The following BAZ1A variants were observed in gnomAD, a reference collection of about 807,000 sequenced individuals.
The protein encoded by BAZ1A is bromodomain adjacent to zinc finger domain protein 1A.
BAZ1A carries 50 observed loss-of-function variants against 185.2 expected under a neutral mutation model. That is an observed-to-expected ratio of 0.27 (90% confidence interval 0.22 to 0.34). The LOEUF is 0.34. Ranked by LOEUF, BAZ1A falls within the 10% of genes least tolerant of loss-of-function variation. The pLI is 1.00. For synonymous variants in BAZ1A, 571 were observed against 615.6 expected, an observed-to-expected ratio of 0.93 and a Z score of 1.07; for missense variants, 1,356 against 1,839.9, an observed-to-expected ratio of 0.74 and a Z score of 4.81.
At chr14:34,801,699 G>A (rs1313210377) in intron 7 of BAZ1A, among the ~76,000 whole-genome samples, 5 of 151,996 alleles carry the variant, frequency 3.3e-5, no homozygotes, top group East Asian at 1.9e-4. Context: ...ACTTGAGGTC[G>A]GGCGTTTGAG....
chr14:34,802,779 G>C, intron 7 of BAZ1A, 75 bp downstream of exon 7: 1 of 1,467,572 alleles, frequency 6.8e-7, no homozygotes. Context: ...TGTGAGGGGA[G>C]ACAAACATAC....
At chr14:34,784,038 T>A in intron 14 of BAZ1A, 111 bp from the exon 15 acceptor site, 1 of 973,088 alleles carries the variant, frequency 1.0e-6, no homozygotes, top group Non-Finnish European at 1.5e-6. Flanking sequence ...GAATATGGAG[T>A]AGTCTCTCAA....
chr14:34,765,905 A>C (rs2138558789), intron 21 of BAZ1A, among the ~76,000 whole-genome samples: 1 of 152,280 alleles, frequency 6.6e-6, no homozygotes, highest in South Asian at 2.1e-4. Flanking sequence ...TCAATCTTTA[A>C]TATTGTTACC....
intron 2 of BAZ1A, among the ~76,000 whole-genome samples, chr14:34,865,532 C>A (rs145419217): frequency 1.1e-3 from 167 of 152,236 alleles, no homozygotes; most frequent in African/African-American, 3.0e-3. Context: ...AAATTGGGGG[C>A]AATTCCATTT....
intron 6 of BAZ1A, among the ~76,000 whole-genome samples, chr14:34,803,578 T>A (rs1881692357): frequency 6.6e-6 from 1 of 152,070 alleles, no homozygotes; most frequent in African/African-American, 2.4e-5. Context: ...ATTTCAAAAT[T>A]ACATATATAT....
At chr14:34,772,451 A>G (rs950610359) in intron 20 of BAZ1A, among the ~76,000 whole-genome samples, 1 of 152,092 alleles carries the variant, frequency 6.6e-6, no homozygotes, top group South Asian at 2.1e-4. Flanking sequence ...ATAACCTTCT[A>G]TCAGTACCCC....
At chr14:34,815,801 A>T (rs762804682) in intron 4 of BAZ1A, among the ~76,000 whole-genome samples, 2 of 152,216 alleles carry the variant, frequency 1.3e-5, no homozygotes, top group Non-Finnish European at 2.9e-5. Flanking sequence ...AAGAGAAATC[A>T]TCAAATTGTG....
chr14:34,771,947 T>C (rs568756173), intron 20 of BAZ1A, among the ~76,000 whole-genome samples: 1 of 151,562 alleles, frequency 6.6e-6, no homozygotes, highest in African/African-American at 2.4e-5. Context: ...TCTATTTCTC[T>C]TGTTTTGCCC....
chr14:34,830,918 G>C (rs899786147), intron 3 of BAZ1A, among the ~76,000 whole-genome samples: 11 of 151,870 alleles, frequency 7.2e-5, no homozygotes, highest in African/African-American at 2.7e-4. Context: ...ACCACGCCCA[G>C]CTAATATTTT....
At chr14:34,811,135 CAT>C (rs2041924530) in intron 4 of BAZ1A, 99 bp from the exon 5 acceptor site, 2 of 869,440 alleles carry the variant, frequency 2.3e-6, no homozygotes. Context: ...AATAAAATCA[CAT>C]ATTTCAAAAT....
At chr14:34,856,859 C>CAA (rs577936229) in intron 3 of BAZ1A, among the ~76,000 whole-genome samples, 2 of 74,018 alleles carry the variant, frequency 2.7e-5, no homozygotes, top group African/African-American at 4.5e-5. Context: ...AACTCGGTCT[C>CAA]AAAAAAAAAA....
intron 3 of BAZ1A, among the ~76,000 whole-genome samples, chr14:34,861,178 G>C (rs917148172): frequency 6.6e-6 from 1 of 152,010 alleles, no homozygotes; most frequent in Non-Finnish European, 1.5e-5. Flanking sequence ...AATGGGGGCA[G>C]GGCATCCAAA....
intron 3 of BAZ1A, among the ~76,000 whole-genome samples, chr14:34,827,375 T>A (rs1197330883): frequency 6.6e-6 from 1 of 152,186 alleles, no homozygotes; most frequent in African/African-American, 2.4e-5. Flanking sequence ...AGTACTGAAG[T>A]CTCCAGCTAT....
intron 16 of BAZ1A, among the ~76,000 whole-genome samples, chr14:34,782,436 A>C (rs1880097473): frequency 6.6e-6 from 1 of 151,684 alleles, no homozygotes; most frequent in Admixed American, 6.6e-5. Context: ...TCTTTTAATT[A>C]TTTCTTCTTT....
At chr14:34,873,772 G>A (rs1350856598) in intron 2 of BAZ1A, among the ~76,000 whole-genome samples, 3 of 32,174 alleles carry the variant, frequency 9.3e-5, no homozygotes, top group Non-Finnish European at 5.0e-4. Flanking sequence ...TGAGTTCCCC[G>A]GAGACGAGTT....
intron 5 of BAZ1A, among the ~76,000 whole-genome samples, chr14:34,809,638 A>G (rs1308306164): frequency 6.6e-6 from 1 of 152,212 alleles, no homozygotes; most frequent in African/African-American, 2.4e-5. Flanking sequence ...TTTATTATGA[A>G]GTATAACTTT....
chr14:34,819,668 C>T (rs950029043), intron 4 of BAZ1A, among the ~76,000 whole-genome samples: 6 of 152,182 alleles, frequency 3.9e-5, no homozygotes, highest in African/African-American at 1.2e-4. Flanking sequence ...TTTATCCACT[C>T]ACCTACTGAA....
intron 4 of BAZ1A, among the ~76,000 whole-genome samples, chr14:34,825,103 T>A (rs1258265485): frequency 6.6e-6 from 1 of 152,150 alleles, no homozygotes. Context: ...CAGCATTTCT[T>A]TATTATGTGC....
At chr14:34,873,430 T>C (rs1403054295) in intron 2 of BAZ1A, among the ~76,000 whole-genome samples, 1 of 152,152 alleles carries the variant, frequency 6.6e-6, no homozygotes, top group Non-Finnish European at 1.5e-5. Context: ...CACACCCCCT[T>C]GCTCCGTGTC....
Sources: allele counts gnomAD v4.1 joint callset (sites outside exome capture counted in the v4.1 genomes callset), GRCh38; gene constraint gnomAD v4.1.1; transcripts MANE v1.5; gene names NCBI Gene and HGNC (gene_info 2026-07-23, HGNC 2026-07-21).